The following PPP6R2 variants were observed in gnomAD, a reference collection of about 807,000 sequenced individuals.
The protein encoded by PPP6R2 is serine/threonine-protein phosphatase 6 regulatory subunit 2.
PPP6R2 carries 62 observed loss-of-function variants against 100.2 expected under a neutral mutation model. The ratio of observed to expected loss-of-function variants is 0.62; its 90% CI spans 0.50 to 0.76. PPP6R2 has a LOEUF of 0.76. Among genes scored for constraint, PPP6R2 ranks in the 30% least tolerant of loss-of-function variants. The pLI is 0.00. For synonymous variants in PPP6R2, 525 were observed against 514.7 expected, an observed-to-expected ratio of 1.02 and a Z score of -0.27; for missense variants, 1,142 against 1,276.3, an observed-to-expected ratio of 0.89 and a Z score of 1.60.
At chr22:50,425,349 G>A (rs1004779303) in intron 10 of PPP6R2, among the ~76,000 whole-genome samples, 5 of 152,184 alleles carry the variant, frequency 3.3e-5, no homozygotes, top group Non-Finnish European at 5.9e-5. Flanking sequence ...TTTTAAGGCT[G>A]AAAAATTACT....
rs1602495322 is a variant in PPP6R2, at chr22:50,370,737, G to GCC, written c.-147-1283_-147-1282insCC. Among the ~76,000 whole-genome samples, 3 of 149,234 alleles carry GCC rather than the reference G, an allele frequency of 2.0e-5. No homozygotes were observed. In the East Asian group the frequency reaches 6.0e-4, roughly 30 times the overall value. On this transcript the variant is annotated intron_variant, in intron 1 of 23. Coordinates refer to ENST00000612753, the MANE Select transcript of PPP6R2 (RefSeq NM_001242898.2). ...CAACCTCTGCCTCCCGGGTTCAAGT[G>GCC]ATTCTCCTGCCTCAGCCTCCCGAGT...
chr22:50,358,350 A>AT (rs1207107850), intron 1 of PPP6R2, among the ~76,000 whole-genome samples: 1 of 151,938 alleles, frequency 6.6e-6, no homozygotes, highest in Non-Finnish European at 1.5e-5. Flanking sequence ...AAATTTACCA[A>AT]TTTTTTCTGT....
intron 8 of PPP6R2, among the ~76,000 whole-genome samples, chr22:50,419,897 G>T (rs572996651): frequency 7.2e-5 from 11 of 152,318 alleles, no homozygotes; most frequent in African/African-American, 2.6e-4. Context: ...GACACTCACC[G>T]CTGTCTCCCG....
chr22:50,398,030 C>T lies in PPP6R2; in HGVS notation c.227+3895C>T, dbSNP rs564563269. Among the ~76,000 whole-genome samples the T allele has an allele frequency of 7.2e-5, 11 of 152,288 alleles. No individual in the cohort carries two copies. In the South Asian group the frequency reaches 2.3e-3, roughly 32 times the overall value. ...GAGGTTTTAAAGCACGTGCACATAT[C>T]ACTTGTATAAAAAACATGAAAGTCA... On this transcript the variant is annotated intron_variant, in intron 3 of 23. Coordinates refer to ENST00000612753, the MANE Select transcript of PPP6R2 (RefSeq NM_001242898.2).
chr22:50,338,971 G>A (rs1426090604), upstream of PPP6R2, among the ~76,000 whole-genome samples: 2 of 135,330 alleles, frequency 1.5e-5, no homozygotes, highest in Middle Eastern at 3.9e-3. Flanking sequence ...TGTAGGGTGT[G>A]TGGTGTGTGT....
chr22:50,333,575 G>A, the PPP6R2 span, among the ~76,000 whole-genome samples: 2 of 152,018 alleles, frequency 1.3e-5, no homozygotes, highest in Non-Finnish European at 2.9e-5. Context: ...CTCGTGATCC[G>A]CCCACCTCGG....
rs1307551169 is a variant in PPP6R2 at position 50,431,729 on chromosome 22, G to GA, written c.1335+348dup. Among the ~76,000 whole-genome samples, 12 of 152,174 alleles carry GA rather than the reference G, an allele frequency of 7.9e-5. No homozygotes were observed. The highest frequency in any genetic ancestry group is 1.5e-4 in the Non-Finnish European group (10 of 68,020). On this transcript the variant is annotated intron_variant, in intron 11 of 23. Transcript: ENST00000612753. This position sits in a 1 kb window ranked among gnomAD's most constrained non-coding sequence, Gnocchi z 4.8. ...TCAGTGATGGGAGCCACACGGTGGG[G>GA]AGGGGATGCTGAGGGACATGCAGGC... is the stretch of plus-strand genomic sequence containing the variant.
Position 50,395,576 on chromosome 22 carries a change from T to C in PPP6R2, c.227+1441T>C, listed in dbSNP as rs147043357. ...TTTACATTATTTTTTATTTTAGTTT[T>C]TTGAGACAAGGTCTCACTCCATCGC... is the stretch of plus-strand genomic sequence containing the variant. On this transcript the variant is annotated intron_variant, in intron 3 of 23. Coordinates refer to ENST00000612753, the MANE Select transcript of PPP6R2 (RefSeq NM_001242898.2). 1.5e-3 allele frequency among the ~76,000 whole-genome samples: 229 copies of C among 152,242 alleles called. 1 individual carries two copies. Among genetic ancestry groups the C allele is most frequent in the African/African-American group, 5.2e-3 (216 of 41,546 alleles).
At chr22:50,333,612 A>C in the PPP6R2 span, among the ~76,000 whole-genome samples, 1 of 152,192 alleles carries the variant, frequency 6.6e-6, no homozygotes. Context: ...GATTACAGTC[A>C]TGAGCCACCG....
intron 1 of PPP6R2, among the ~76,000 whole-genome samples, chr22:50,370,289 CTTGT>C (rs772611931): frequency 5.4e-4 from 82 of 152,190 alleles, no homozygotes; most frequent in Non-Finnish European, 1.0e-3. Context: ...TGTGCCACGT[CTTGT>C]TTGTTTGTTT....
intron 4 of PPP6R2, among the ~76,000 whole-genome samples, chr22:50,410,814 CAA>C (rs1414415667): frequency 2.0e-5 from 3 of 151,260 alleles, no homozygotes; most frequent in Admixed American, 2.0e-4. Context: ...TCGTTTGAGA[CAA>C]AGTCTCCCTT....
At chr22:50,382,692 T>A (rs1258127860) in intron 2 of PPP6R2, among the ~76,000 whole-genome samples, 1 of 152,150 alleles carries the variant, frequency 6.6e-6, no homozygotes, top group Non-Finnish European at 1.5e-5. Context: ...CTTGAATAAA[T>A]GGGCAGAGGT....
intron 10 of PPP6R2, among the ~76,000 whole-genome samples, chr22:50,429,136 T>G (rs957198629): frequency 6.6e-6 from 1 of 152,138 alleles, no homozygotes; most frequent in Non-Finnish European, 1.5e-5. Flanking sequence ...GCTCAGGCGA[T>G]TCTCCTGCCT....
rs1476132644 is a variant in PPP6R2, at chr22:50,437,553, T to A, written c.1731T>A (p.Asp577Glu). Reference sequence around the variant, plus strand: ...AGCAGATGACAGCCAACTTCGTGGATCAGTTTGGCTTCAATGATGAGGAGT... The same window carrying A: ...AGCAGATGACAGCCAACTTCGTGGAACAGTTTGGCTTCAATGATGAGGAGT... ...QIQQMTANFV[D>E]QFGFNDEEFA... is the part of the protein sequence containing the mutation. Residue 577 changes from aspartate to glutamate, a missense_variant, in exon 16 of 24, where the codon GAT becomes GAA. Asp to Glu is a conservative substitution (Grantham distance 45). Coordinates refer to ENST00000612753, the MANE Select transcript of PPP6R2 (RefSeq NM_001242898.2). 1.4e-6 allele frequency: 2 copies of A among 1,478,444 alleles called. No homozygotes were observed. The highest frequency in any genetic ancestry group is 1.8e-6 in the Non-Finnish European group (2 of 1,098,656). The allele number at this position is 1,478,444 out of a possible 1,614,324, so 91.6% of individuals were successfully genotyped here. A position where few individuals can be genotyped will look rare whatever the true frequency, so the allele number is the denominator to read the frequency against.
intron 2 of PPP6R2, among the ~76,000 whole-genome samples, chr22:50,378,325 C>T (rs2052077634): frequency 6.6e-6 from 1 of 152,022 alleles, no homozygotes; most frequent in African/African-American, 2.4e-5. Flanking sequence ...CGGTGGGTCA[C>T]CCTGTAATCC....
chr22:50,418,926 C>T lies in PPP6R2; in HGVS notation c.678C>T (p.Gly226=). 1 of 1,613,924 alleles carries T rather than the reference C, an allele frequency of 6.2e-7. No individual in the cohort carries two copies. Reference sequence around the variant, plus strand: ...TAGTTAGGCTGGGCAGAGACCAGGGCAGTCAGCTGCAAGAGGCTCTGGAGC... The same window carrying T: ...TAGTTAGGCTGGGCAGAGACCAGGGTAGTCAGCTGCAAGAGGCTCTGGAGC... ...CDIVRLGRDQ[G]SQLQEALEPD... Residue 226 remains glycine (G), a synonymous_variant, in exon 7 of 24, where the codon GGC becomes GGT. Coordinates refer to ENST00000612753, the MANE Select transcript of PPP6R2 (RefSeq NM_001242898.2).
intron 2 of PPP6R2, among the ~76,000 whole-genome samples, chr22:50,375,929 C>T (rs1602610676): frequency 6.8e-6 from 1 of 146,086 alleles, no homozygotes; most frequent in East Asian, 2.0e-4. Flanking sequence ...CAACCTCTGC[C>T]TCCCAGGTTG....
chr22:50,368,188 A>C (rs767119260), intron 1 of PPP6R2, among the ~76,000 whole-genome samples: 1 of 152,274 alleles, frequency 6.6e-6, no homozygotes, highest in Non-Finnish European at 1.5e-5. Context: ...GAAGCACAGC[A>C]TCACAGAGAC....
At chr22:50,398,214 C>A (rs934502505) in intron 3 of PPP6R2, among the ~76,000 whole-genome samples, 1 of 150,716 alleles carries the variant, frequency 6.6e-6, no homozygotes, top group Non-Finnish European at 1.5e-5. Context: ...CTCTGTCGCC[C>A]AGGCTGGAGT....
Sources: allele counts gnomAD v4.1 joint callset (sites outside exome capture counted in the v4.1 genomes callset), GRCh38; gene constraint gnomAD v4.1.1; non-coding constraint Gnocchi (gnomAD v3.1); transcripts MANE v1.5; gene names NCBI Gene and HGNC (gene_info 2026-07-23, HGNC 2026-07-21).